Variants in SYT1 observed in about 807,000 individuals in gnomAD.
SYT1 encodes synaptotagmin-1.
In SYT1, 8 loss-of-function variants were observed where a neutral mutation model predicts 44.8. That is an observed-to-expected ratio of 0.18 (90% CI 0.10 to 0.32). The LOEUF is 0.32. Ranked by LOEUF, SYT1 falls within the 10% of genes least tolerant of loss-of-function variation. SYT1 has a pLI of 1.00. For synonymous variants in SYT1, 154 were observed against 188.8 expected (o/e 0.82, Z 1.51); for missense variants, 286 against 509.3 (o/e 0.56, Z 4.22).
chr12:78,935,362 G>A (rs1276684125), intron 1 of SYT1, among the ~76,000 whole-genome samples: 1 of 152,122 alleles, frequency 6.6e-6, no homozygotes, highest in Non-Finnish European at 1.5e-5. Context: ...TGTGAATCAG[G>A]CAGTATGCTA....
intron 3 of SYT1, among the ~76,000 whole-genome samples, chr12:79,143,892 G>T (rs536949997): frequency 6.6e-6 from 1 of 152,298 alleles, no homozygotes; most frequent in South Asian, 2.1e-4. Context: ...AAAGAAGTAT[G>T]AATTCAGGTT....
At chr12:79,430,915 G>A (rs764536474) in intron 9 of SYT1, among the ~76,000 whole-genome samples, 3 of 152,232 alleles carry the variant, frequency 2.0e-5, no homozygotes, top group Admixed American at 6.5e-5. Flanking sequence ...CAAGCATGGG[G>A]ATACAGAGTT....
At chr12:79,245,473 C>CAAAAA (rs1273397377) in intron 4 of SYT1, among the ~76,000 whole-genome samples, 76 of 37,082 alleles carry the variant, frequency 2.0e-3, no homozygotes, top group Middle Eastern at 0.017. Context: ...ACTCCGTCAA[C>CAAAAA]AAAAAAAAAA....
intron 3 of SYT1, among the ~76,000 whole-genome samples, chr12:79,163,350 AT>A (rs1871061647): frequency 6.6e-6 from 1 of 152,038 alleles, no homozygotes; most frequent in Non-Finnish European, 1.5e-5. Context: ...ATAAACATCA[AT>A]TTATCTGGCT....
intron 9 of SYT1, among the ~76,000 whole-genome samples, chr12:79,388,559 A>T (rs35318373): frequency 4.7e-4 from 72 of 152,140 alleles, no homozygotes; most frequent in Non-Finnish European, 5.3e-4. Context: ...AATAAATAAA[A>T]AAATAGCCAG....
At chr12:78,917,261 C>G (rs552730554) in intron 1 of SYT1, among the ~76,000 whole-genome samples, 1 of 152,140 alleles carries the variant, frequency 6.6e-6, no homozygotes, top group East Asian at 1.9e-4. Flanking sequence ...ATTTATCCTC[C>G]TACATCGTCT....
chr12:79,147,679 C>A (rs2138244308), intron 3 of SYT1, among the ~76,000 whole-genome samples: 1 of 152,202 alleles, frequency 6.6e-6, no homozygotes, highest in African/African-American at 2.4e-5. Context: ...TGAACAGTCC[C>A]ATCACAATGA....
intron 4 of SYT1, among the ~76,000 whole-genome samples, chr12:79,255,430 A>G (rs1336565163): frequency 6.6e-6 from 1 of 152,256 alleles, no homozygotes; most frequent in African/African-American, 2.4e-5. Flanking sequence ...GAACTTTTAT[A>G]TGCACTGTGA....
chr12:79,341,514 C>G (rs938986303), intron 8 of SYT1: 1 of 151,954 alleles, frequency 6.6e-6, no homozygotes, highest in Non-Finnish European at 1.5e-5. Context: ...TAGCTAGAAC[C>G]CAATCACAAG....
intron 9 of SYT1, among the ~76,000 whole-genome samples, chr12:79,362,678 T>C (rs1883365068): frequency 1.3e-5 from 2 of 152,138 alleles, no homozygotes; most frequent in South Asian, 2.1e-4. Flanking sequence ...AAGGATATGA[T>C]GAAAGTCTGA....
chr12:79,217,727 G>A, intron 4 of SYT1, 42 bp downstream of exon 4: 1 of 1,528,936 alleles, frequency 6.5e-7, no homozygotes, highest in Non-Finnish European at 8.8e-7. Context: ...ATAAGTGGTT[G>A]AAAAATACCC....
At chr12:79,221,789 G>T (rs6539306) in intron 4 of SYT1, among the ~76,000 whole-genome samples, 106,884 of 152,006 alleles carry the variant, frequency 0.7, 38,028 homozygotes, top group African/African-American at 0.77. Flanking sequence ...ATTTTTAATT[G>T]TTTTGCCTTT....
chr12:79,318,489 G>T (rs886940350), intron 8 of SYT1, among the ~76,000 whole-genome samples: 3 of 152,140 alleles, frequency 2.0e-5, no homozygotes, highest in African/African-American at 7.2e-5. Flanking sequence ...CTGGGCCCTG[G>T]ATAACACTAG....
intron 1 of SYT1, among the ~76,000 whole-genome samples, chr12:78,918,540 C>T (rs1592558734): frequency 6.6e-6 from 1 of 151,990 alleles, no homozygotes; most frequent in Non-Finnish European, 1.5e-5. Context: ...ATATGCAACT[C>T]TTGATATGTA....
At chr12:79,041,966 T>G (rs1350081197) in intron 2 of SYT1, among the ~76,000 whole-genome samples, 20 of 152,094 alleles carry the variant, frequency 1.3e-4, no homozygotes, top group Admixed American at 7.2e-4. Flanking sequence ...TGCATCCCAG[T>G]GATGAAGCCC....
rs191864761 is a variant in SYT1, at chr12:78,909,961, C to A, written c.-217+44852C>A. On this transcript the variant is annotated intron_variant, in intron 1 of 10. Coordinates refer to ENST00000261205, the MANE Select transcript of SYT1 (RefSeq NM_005639.3). ...TCAGATATTACTGATGCCCTAGTAC[C>A]ATCTCCAATATTGTTTGACCCCTTC... Among the ~76,000 whole-genome samples, 141 of 151,950 alleles carry A rather than the reference C, an allele frequency of 9.3e-4. 3 individuals are homozygous for A. Among genetic ancestry groups the A allele is most frequent in the Admixed American group, 3.9e-3 (59 of 15,198 alleles).
intron 9 of SYT1, among the ~76,000 whole-genome samples, chr12:79,394,224 G>T (rs1191980300): frequency 6.6e-6 from 1 of 152,226 alleles, no homozygotes; most frequent in African/African-American, 2.4e-5. Flanking sequence ...CCTGGTAAAT[G>T]CTAGGGGTAT....
At chr12:79,092,655 G>GT (rs755513383) in intron 3 of SYT1, among the ~76,000 whole-genome samples, 24 of 151,652 alleles carry the variant, frequency 1.6e-4, no homozygotes, top group Admixed American at 6.6e-5. Flanking sequence ...TTTGAGTTCA[G>GT]TTTTTTCACT....
chr12:79,017,973 T>C (rs565309738), intron 2 of SYT1, among the ~76,000 whole-genome samples: 1 of 152,030 alleles, frequency 6.6e-6, no homozygotes, highest in African/African-American at 2.4e-5. Context: ...TAGTGTGGCA[T>C]GGATGGCAAT....
Sources: allele counts gnomAD v4.1 joint callset (sites outside exome capture counted in the v4.1 genomes callset), GRCh38; gene constraint gnomAD v4.1.1; transcripts MANE v1.5; gene names NCBI Gene and HGNC (gene_info 2026-07-23, HGNC 2026-07-21).